KCNIP1: variants seen among roughly 807,000 people sequenced by gnomAD.
The protein encoded by KCNIP1 is A-type potassium channel modulatory protein KCNIP1.
KCNIP1 carries 18 observed loss-of-function variants against 33.0 expected under a neutral mutation model. That is an observed-to-expected ratio of 0.55 (90% CI 0.38 to 0.81). The LOEUF (loss-of-function observed/expected upper bound fraction) is 0.81. KCNIP1 is among the 30% of genes least tolerant of loss of function. KCNIP1 has a pLI of 0.00. For missense variants in KCNIP1, 238 were observed against 271.6 expected (o/e 0.88, Z 0.87); for synonymous variants, 93 against 98.3 (o/e 0.95, Z 0.32).
At chr5:170,501,336 C>T (rs982287286), upstream of KCNIP1, among the ~76,000 whole-genome samples, 1 of 152,096 alleles carries the variant, frequency 6.6e-6, no homozygotes, top group Non-Finnish European at 1.5e-5. Context: ...AGGAGAACCA[C>T]AACACGCATC....
At chr5:170,623,091 C>T (rs1299967237) in intron 1 of KCNIP1, among the ~76,000 whole-genome samples, 2 of 152,252 alleles carry the variant, frequency 1.3e-5, no homozygotes, top group Non-Finnish European at 2.9e-5. Flanking sequence ...AATGCGGCGG[C>T]TGATCTGACA....
At chr5:170,659,044 G>A (rs1293116962) in intron 1 of KCNIP1, among the ~76,000 whole-genome samples, 3 of 152,126 alleles carry the variant, frequency 2.0e-5, no homozygotes, top group African/African-American at 4.8e-5. Flanking sequence ...ATTGAGACAC[G>A]TACTGAGGGA....
intron 1 of KCNIP1, among the ~76,000 whole-genome samples, chr5:170,708,890 C>T (rs572460809): frequency 1.3e-5 from 2 of 152,070 alleles, no homozygotes; most frequent in Non-Finnish European, 2.9e-5. Flanking sequence ...CATAGCGAGA[C>T]CCTGTCTCAA....
At chr5:170,450,417 CCTGT>C (rs894231661) in intron 1 of KCNIP1, among the ~76,000 whole-genome samples, 1 of 152,218 alleles carries the variant, frequency 6.6e-6, no homozygotes. Context: ...GCCACCCACC[CCTGT>C]CTGTCTTCCT....
At chr5:170,688,600 T>C (rs1421561231) in intron 1 of KCNIP1, among the ~76,000 whole-genome samples, 1 of 152,108 alleles carries the variant, frequency 6.6e-6, no homozygotes, top group East Asian at 1.9e-4. Context: ...CAACTTGGGT[T>C]CACAGCTGCA....
chr5:170,416,814 C>T (rs1755343900), intron 1 of KCNIP1, among the ~76,000 whole-genome samples: 1 of 152,100 alleles, frequency 6.6e-6, no homozygotes, highest in Non-Finnish European at 1.5e-5. Flanking sequence ...TATTATCATC[C>T]CCATTTTACA....
intron 1 of KCNIP1, among the ~76,000 whole-genome samples, chr5:170,666,636 G>C (rs61546172): frequency 0.029 from 4,411 of 152,262 alleles, 222 homozygotes; most frequent in African/African-American, 0.1. Context: ...AACATTTTGG[G>C]GTATTTTCAT....
At chr5:170,392,979 C>T (rs314125) in intron 1 of KCNIP1, among the ~76,000 whole-genome samples, 9,531 of 152,256 alleles carry the variant, frequency 0.063, 766 homozygotes, top group African/African-American at 0.19. Flanking sequence ...GCAATACATA[C>T]ACATACACAT....
intron 1 of KCNIP1, among the ~76,000 whole-genome samples, chr5:170,631,746 C>G (rs945458832): frequency 3.3e-5 from 5 of 152,210 alleles, no homozygotes; most frequent in African/African-American, 1.2e-4. Context: ...ACTCCCAGGT[C>G]CCCTAGGGCT....
At chr5:170,519,229 A>G (rs1755266747) in intron 1 of KCNIP1, among the ~76,000 whole-genome samples, 1 of 152,292 alleles carries the variant, frequency 6.6e-6, no homozygotes, top group Middle Eastern at 3.4e-3. Flanking sequence ...ATGATAGACT[A>G]GAGACTTTGT....
chr5:170,390,814 C>T (rs1174867043), intron 1 of KCNIP1, among the ~76,000 whole-genome samples: 1 of 152,010 alleles, frequency 6.6e-6, no homozygotes, highest in African/African-American at 2.4e-5. Flanking sequence ...TAAGCTGCCA[C>T]CTGAGGCTCT....
intron 1 of KCNIP1, among the ~76,000 whole-genome samples, chr5:170,625,459 C>T (rs759583034): frequency 5.3e-5 from 8 of 152,220 alleles, no homozygotes; most frequent in Non-Finnish European, 1.0e-4. Context: ...CCCTCATCTC[C>T]GGCTCCCCAT....
chr5:170,494,361 A>G (rs560862442), intron 1 of KCNIP1, among the ~76,000 whole-genome samples: 15 of 152,326 alleles, frequency 9.8e-5, no homozygotes, highest in African/African-American at 3.6e-4. Context: ...AAGGAGCAAC[A>G]GAAAAAGAAC....
intron 1 of KCNIP1, among the ~76,000 whole-genome samples, chr5:170,386,735 G>C (rs314112): frequency 0.12 from 17,866 of 151,368 alleles, 1,203 homozygotes; most frequent in East Asian, 0.21. Context: ...AAAGAAAGAA[G>C]AAAGAAGGCA....
chr5:170,517,078 T>A (rs577827129), intron 1 of KCNIP1, among the ~76,000 whole-genome samples: 3 of 152,252 alleles, frequency 2.0e-5, no homozygotes, highest in Admixed American at 6.5e-5. Flanking sequence ...TACCTGAGAC[T>A]GGGTAATTTA....
At chr5:170,615,390 G>T (rs912650795) in intron 1 of KCNIP1, among the ~76,000 whole-genome samples, 4 of 152,204 alleles carry the variant, frequency 2.6e-5, no homozygotes, top group African/African-American at 9.6e-5. Context: ...GAAGCACACG[G>T]AACGCAGACT....
intron 1 of KCNIP1, among the ~76,000 whole-genome samples, chr5:170,513,432 T>C (rs1294734097): frequency 6.6e-6 from 1 of 152,232 alleles, no homozygotes; most frequent in South Asian, 2.1e-4. Context: ...TCTTTCTCTC[T>C]CTTTCTTTTT....
chr5:170,735,348 A>G (rs1403668175), intron 7 of KCNIP1, among the ~76,000 whole-genome samples: 3 of 152,260 alleles, frequency 2.0e-5, no homozygotes, highest in African/African-American at 7.2e-5. Flanking sequence ...AATAAAAATA[A>G]AATAAAAATA....
chr5:170,486,948 TAGTC>T (rs546881208), intron 1 of KCNIP1, among the ~76,000 whole-genome samples: 2 of 152,202 alleles, frequency 1.3e-5, no homozygotes, highest in African/African-American at 2.4e-5. Flanking sequence ...ATTCATGTAT[TAGTC>T]AGGGTTCTCC....
Sources: gnomAD v4.1 joint callset for allele counts (sites outside exome capture counted in the v4.1 genomes callset) on GRCh38, gnomAD v4.1.1 for gene constraint, MANE v1.5 for transcripts, NCBI Gene and HGNC (gene_info 2026-07-23, HGNC 2026-07-21) for gene names.